Variants in RASSF4 observed in about 807,000 individuals in gnomAD.
RASSF4 encodes the protein Ras association domain family member 4.
In RASSF4, 38 loss-of-function variants were observed where a neutral mutation model predicts 41.1. The observed-to-expected ratio is 0.92, with a 90% confidence interval of 0.71 to 1.21. The LOEUF (loss-of-function observed/expected upper bound fraction) is 1.21. Among genes scored for constraint, RASSF4 ranks in the 50% most tolerant of loss-of-function variants. The pLI, the probability that RASSF4 is intolerant of heterozygous loss-of-function variation, is 0.00. For missense variants in RASSF4, 414 were observed against 419.4 expected, an observed-to-expected ratio of 0.99 and a Z score of 0.11; for synonymous variants, 179 against 163.4, an observed-to-expected ratio of 1.10 and a Z score of -0.73.
chr10:44,975,361 G>A (rs1179185191), intron 3 of RASSF4, among the ~76,000 whole-genome samples: 1 of 151,860 alleles, frequency 6.6e-6, no homozygotes, highest in Non-Finnish European at 1.5e-5. Flanking sequence ...GCCGCAAAGC[G>A]CTTCCCAGCC....
chr10:44,969,102 G>GTT (rs1409646913), intron 1 of RASSF4, among the ~76,000 whole-genome samples: 2 of 97,254 alleles, frequency 2.1e-5, no homozygotes, highest in Non-Finnish European at 5.7e-5. Flanking sequence ...GTGTATGCGT[G>GTT]TGTTTTTGTG....
intron 6 of RASSF4, among the ~76,000 whole-genome samples, chr10:44,987,071 T>C (rs937155086): frequency 6.6e-6 from 1 of 152,208 alleles, no homozygotes; most frequent in Non-Finnish European, 1.5e-5. Context: ...AACAAGACTT[T>C]TTGTCCCTTT....
chr10:44,984,200 G>T (rs1023589981), intron 5 of RASSF4, 87 bp downstream of exon 5: 3 of 1,330,422 alleles, frequency 2.3e-6, no homozygotes, highest in East Asian at 5.1e-5. Context: ...ATCTCCGAAG[G>T]ACAGCTTTGT....
At position 44,984,080 on chromosome 10, in the gene RASSF4, G is replaced by T. The variant is rs1287090250; in HGVS notation, c.340G>T (p.Val114Leu). 1 of 1,606,284 alleles carries T rather than the reference G, an allele frequency of 6.2e-7. No individual in the cohort carries two copies. The highest frequency in any genetic ancestry group is 2.2e-5 in the East Asian group (1 of 44,584). ...AGCCCAGGGGCCAAGCATTCAGCCA[G>T]TGCACAAGGCTGAGAGTTCCACAGA... ...ITAQGPSIQP[V>L]HKAESSTDSS... The change falls in exon 5 of 11, where the codon GTG becomes TTG. Residue 114 changes from valine to leucine, a missense_variant. Coordinates refer to ENST00000340258, the MANE Select transcript of RASSF4 (RefSeq NM_032023.4).
At chr10:44,977,319 T>G (rs1289358508) in intron 3 of RASSF4, 1 of 1,497,732 alleles carries the variant, frequency 6.7e-7, no homozygotes, top group Admixed American at 2.3e-5. Flanking sequence ...CCAGGGGCAG[T>G]GACCACCATG....
rs1842244262 is a variant in RASSF4, at chr10:44,995,051, A to T, written c.*1722A>T. 1 of 152,264 alleles carries T rather than the reference A, an allele frequency of 6.6e-6. No homozygotes were observed. The highest frequency in any genetic ancestry group is 6.5e-5 in the Admixed American group (1 of 15,292). The allele number at this position is 152,264 out of a possible 1,614,324, so 9.4% of individuals were successfully genotyped here. Reference sequence around the variant, plus strand: ...CTTCCAGGCCAGGGGCTCAGGTGGGATGGAAGCAGGGCCTAGGAGAGGGTA... The same window carrying T: ...CTTCCAGGCCAGGGGCTCAGGTGGGTTGGAAGCAGGGCCTAGGAGAGGGTA... On this transcript the variant is annotated 3_prime_UTR_variant, in exon 11 of 11. Coordinates refer to ENST00000340258, the MANE Select transcript of RASSF4 (RefSeq NM_032023.4).
intron 1 of RASSF4, among the ~76,000 whole-genome samples, chr10:44,964,557 C>T (rs1564449439): frequency 6.6e-6 from 1 of 152,248 alleles, no homozygotes; most frequent in Non-Finnish European, 1.5e-5. Context: ...ACTCCTGCTG[C>T]CACCCATGCA....
intron 4 of RASSF4, chr10:44,983,780 C>T (rs531853334): frequency 2.7e-4 from 161 of 586,078 alleles, no homozygotes; most frequent in African/African-American, 2.7e-3. Context: ...CGATGCAGCC[C>T]AGCACAAGCC....
chr10:44,968,745 G>GC (rs946874391), intron 1 of RASSF4, among the ~76,000 whole-genome samples: 3 of 152,098 alleles, frequency 2.0e-5, no homozygotes, highest in South Asian at 2.1e-4. Context: ...TGAGCCCCCC[G>GC]CCCCCCGTGG....
intron 1 of RASSF4, among the ~76,000 whole-genome samples, chr10:44,965,871 G>C (rs1840883619): frequency 6.6e-6 from 1 of 152,178 alleles, no homozygotes; most frequent in South Asian, 2.1e-4. Flanking sequence ...GGTGCCCCCA[G>C]CTGGTGCCAT....
chr10:44,982,935 C>G (rs1841777280), intron 4 of RASSF4: 1 of 678,114 alleles, frequency 1.5e-6, no homozygotes, highest in Non-Finnish European at 2.8e-6. Context: ...GAAGGGACGA[C>G]TACAGCCAGG....
chr10:44,972,239 C>A (rs753395698), intron 3 of RASSF4, among the ~76,000 whole-genome samples: 14 of 152,184 alleles, frequency 9.2e-5, no homozygotes, highest in African/African-American at 3.1e-4. Flanking sequence ...CTGCTGGTCC[C>A]GCCACATATC....
intron 3 of RASSF4, chr10:44,976,523 CGTTCCCTGATGCCT>C (rs1841433493): frequency 6.6e-6 from 1 of 152,606 alleles, no homozygotes; most frequent in Admixed American, 6.5e-5. Context: ...GCCTGATTCC[CGTTCCCTGATGCCT>C]CACCTTCTTG....
chr10:44,967,109 C>T (rs1314715071), intron 1 of RASSF4, among the ~76,000 whole-genome samples: 1 of 152,196 alleles, frequency 6.6e-6, no homozygotes, highest in African/African-American at 2.4e-5. Flanking sequence ...TGGCTTGTCA[C>T]GGCAGAGGTT....
At chr10:44,964,771 T>C (rs1215406221) in intron 1 of RASSF4, among the ~76,000 whole-genome samples, 1 of 152,206 alleles carries the variant, frequency 6.6e-6, no homozygotes, top group Non-Finnish European at 1.5e-5. Context: ...TCCTGTTGGG[T>C]GTGCGTGTTC....
chr10:44,970,093 C>T (rs899271190), intron 1 of RASSF4, 72 bp from the exon 2 acceptor site: 15 of 860,596 alleles, frequency 1.7e-5, no homozygotes, highest in Middle Eastern at 4.5e-4. Context: ...GCCAGGGCTG[C>T]GGGTGTTGGG....
intron 9 of RASSF4, 154 bp downstream of exon 9, chr10:44,991,223 G>A (rs892378999): frequency 1.5e-5 from 9 of 585,420 alleles, no homozygotes; most frequent in Admixed American, 1.4e-4. Flanking sequence ...ACAGGGAGGC[G>A]CCAGCCCTCC....
In RASSF4 at chr10:44,971,857, G is replaced by A. The variant is rs771367535; in HGVS notation, c.138+9G>A. ...AGCTGAGACACCGTGAGGTGAGCCT[G>A]TTGCTCTTGTTCATGGGGTCACCAT... On this transcript the variant is annotated intron_variant, in intron 3 of 10. Coordinates refer to ENST00000340258, the MANE Select transcript of RASSF4 (RefSeq NM_032023.4). The A allele has an allele frequency of 8.1e-6, 13 of 1,601,588 alleles. No individual in the cohort carries two copies. The highest frequency in any genetic ancestry group is 1.1e-5 in the Non-Finnish European group (13 of 1,170,448).
intron 3 of RASSF4, among the ~76,000 whole-genome samples, chr10:44,975,813 GGGAT>G (rs1179001664): frequency 6.6e-6 from 1 of 151,464 alleles, no homozygotes; most frequent in Non-Finnish European, 1.5e-5. Context: ...AGGAAGCCCG[GGGAT>G]GGTCTCCTCA....
Sources: allele counts gnomAD v4.1 joint callset (sites outside exome capture counted in the v4.1 genomes callset), GRCh38; gene constraint gnomAD v4.1.1; transcripts MANE v1.5; gene names NCBI Gene and HGNC (gene_info 2026-07-23, HGNC 2026-07-21).